SRGAP3: variants seen among roughly 807,000 people sequenced by gnomAD.
The protein encoded by SRGAP3 is SLIT-ROBO Rho GTPase-activating protein 3.
Under a neutral mutation model 121.1 loss-of-function variants are expected in SRGAP3, and 39 were observed. The ratio of observed to expected loss-of-function variants is 0.32; its 90% CI spans 0.25 to 0.42. The LOEUF is 0.42. SRGAP3 is among the 10% of genes least tolerant of loss of function. The pLI, the probability that SRGAP3 is intolerant of heterozygous loss-of-function variation, is 1.00. For missense variants in SRGAP3, 1,213 were observed against 1,470.6 expected, an observed-to-expected ratio of 0.82 and a Z score of 2.86; for synonymous variants, 601 against 570.0, an observed-to-expected ratio of 1.05 and a Z score of -0.77.
intron 2 of SRGAP3, among the ~76,000 whole-genome samples, chr3:9,329,906 C>T (rs1955578354): frequency 6.6e-6 from 1 of 152,158 alleles, no homozygotes; most frequent in Non-Finnish European, 1.5e-5. Flanking sequence ...TCCCACAGTG[C>T]CAAACCCGTT....
chr3:9,060,161 C>T, intron 6 of SRGAP3, 70 bp downstream of exon 6: 3 of 1,610,918 alleles, frequency 1.9e-6, no homozygotes, highest in African/African-American at 1.3e-5. Context: ...ACCAGCCCCT[C>T]CTTCAGCCAG....
intron 2 of SRGAP3, among the ~76,000 whole-genome samples, chr3:9,119,429 C>T (rs1055113332): frequency 6.6e-6 from 1 of 152,204 alleles, no homozygotes; most frequent in Admixed American, 6.5e-5. Context: ...CCCACACTCA[C>T]CAGTTCCAGC....
chr3:9,279,155 A>G (rs1160906782), intron 3 of SRGAP3, among the ~76,000 whole-genome samples: 3 of 152,158 alleles, frequency 2.0e-5, no homozygotes. Context: ...AACCACAGAG[A>G]AAAAAACTTC....
Position 9,270,212 on chromosome 3 carries a change from T to C in SRGAP3, n.442+55798A>G, listed in dbSNP as rs149989270. 1.4e-4 allele frequency among the ~76,000 whole-genome samples: 22 copies of C among 152,366 alleles called. No individual in the cohort carries two copies. The East Asian group carries it at 4.0e-3, about 28-fold the overall frequency. On this transcript the variant is annotated intron_variant and non_coding_transcript_variant, in intron 3 of 3. Coordinates refer to the SRGAP3 transcript ENST00000490889. ...TTGAAGGCTGCATAATATTAATCTG[T>C]ATTGTGTAATATTGATAATAAAAGT...
chr3:9,068,798 A>G (rs1049460870), intron 4 of SRGAP3, among the ~76,000 whole-genome samples: 2 of 152,200 alleles, frequency 1.3e-5, no homozygotes, highest in African/African-American at 4.8e-5. Flanking sequence ...ACCTCCTTCC[A>G]GGAGCCCTTC....
In SRGAP3 at chr3:8,985,174, A is replaced by G; in HGVS notation, c.*345T>C. 4.8e-6 allele frequency: 2 copies of G among 418,794 alleles called. No individual in the cohort carries two copies. The highest frequency in any genetic ancestry group is 8.8e-6 in the Non-Finnish European group (2 of 227,516). The allele number at this position is 418,794 out of a possible 1,614,324, so 25.9% of individuals were successfully genotyped here. A position where few individuals can be genotyped will look rare whatever the true frequency, so the allele number is the denominator to read the frequency against. The stretch of plus-strand genomic sequence containing the variant: ...TATGCACACATCGATATACACACAC[A>G]TATACGTATGTAGAGAGAATGTCGA... On this transcript the variant is annotated 3_prime_UTR_variant, in exon 22 of 22. Transcript: ENST00000383836. The surrounding 1 kb of genome is among the most constrained non-coding windows in gnomAD (Gnocchi z 5.1).
At position 9,013,944 on chromosome 3, in the gene SRGAP3, G is replaced by C; in HGVS notation, c.1814-102C>G. On this transcript the variant is annotated intron_variant, in intron 15 of 21. Transcript: ENST00000383836. ...CCTATATCAACCCACGTGGATGGGG[G>C]AGCCAGCTCTACTCTTGATTCCAGG... is the stretch of plus-strand genomic sequence containing the variant. 2.9e-6 allele frequency: 3 copies of C among 1,032,690 alleles called. No homozygotes were observed. In the South Asian group the frequency reaches 4.0e-5, roughly 14 times the overall value. The allele number at this position is 1,032,690 out of a possible 1,614,324, so 64.0% of individuals were successfully genotyped here.
intron 3 of SRGAP3, among the ~76,000 whole-genome samples, chr3:9,085,972 A>G (rs1447921104): frequency 6.6e-6 from 1 of 152,218 alleles, no homozygotes; most frequent in Non-Finnish European, 1.5e-5. Flanking sequence ...AACTGAAAAT[A>G]AAAATTTTAA....
chr3:9,260,598 G>A (rs1236724697), intron 3 of SRGAP3, among the ~76,000 whole-genome samples: 1 of 152,256 alleles, frequency 6.6e-6, no homozygotes, highest in African/African-American at 2.4e-5. Flanking sequence ...TGCCTCTCTA[G>A]ATTCCTCCTC....
rs552651633 is a variant in SRGAP3 at position 9,273,711 on chromosome 3, C to T, written n.442+52299G>A. Among the ~76,000 whole-genome samples the T allele has an allele frequency of 2.6e-5, 4 of 152,034 alleles. No homozygotes were observed. The South Asian group carries it at 6.2e-4, about 24-fold the overall frequency. On this transcript the variant is annotated intron_variant and non_coding_transcript_variant, in intron 3 of 3. Coordinates refer to the SRGAP3 transcript ENST00000490889. ...CCCTACTTTTCTCTAAGAGCTTTAT[C>T]GTTTTAGGTCTTACATTGAAGTCTT... is the stretch of plus-strand genomic sequence containing the variant.
intron 1 of SRGAP3, among the ~76,000 whole-genome samples, chr3:9,339,302 A>G (rs1453201482): frequency 3.3e-5 from 5 of 152,366 alleles, no homozygotes; most frequent in African/African-American, 1.2e-4. Flanking sequence ...CCAAGTCTTG[A>G]GCACTCTCAC....
Position 8,994,532 on chromosome 3 carries a change from A to G in SRGAP3, c.2228-9T>C. ...CTCGATCTGCTCCACTTCTGGAAGG[A>G]AATCAAGGGAAAAAGCGTCTCTGAG... is the stretch of plus-strand genomic sequence containing the variant. On this transcript the variant is annotated splice_polypyrimidine_tract_variant and intron_variant, in intron 18 of 21. Transcript: ENST00000383836. The G allele has an allele frequency of 6.2e-7, 1 of 1,612,606 alleles. No homozygotes were observed.
At chr3:9,211,206 G>C (rs1952435224) in intron 1 of SRGAP3, among the ~76,000 whole-genome samples, 1 of 152,136 alleles carries the variant, frequency 6.6e-6, no homozygotes, top group South Asian at 2.1e-4. Context: ...AAAATAAACA[G>C]GTAAATAAAG....
chr3:9,073,507 G>A (rs932089864), intron 4 of SRGAP3, among the ~76,000 whole-genome samples: 2 of 152,108 alleles, frequency 1.3e-5, no homozygotes, highest in African/African-American at 4.8e-5. Flanking sequence ...GTGTAGGGGA[G>A]CGCTTAAGCA....
chr3:8,987,774 CT>C (rs796773311), intron 21 of SRGAP3, among the ~76,000 whole-genome samples: 1 of 149,698 alleles, frequency 6.7e-6, no homozygotes, highest in East Asian at 2.0e-4. Flanking sequence ...AAAGGAGGCG[CT>C]GTGGGGGCAA....
Position 9,047,395 on chromosome 3 carries a change from G to C in SRGAP3, c.1404C>G (p.Gly468=). 2.5e-6 allele frequency: 4 copies of C among 1,614,110 alleles called. No individual in the cohort carries two copies. The highest frequency in any genetic ancestry group is 3.4e-6 in the Non-Finnish European group (4 of 1,180,014). Residue 468 remains glycine (G), a synonymous_variant, in exon 10 of 22, where the codon GGC becomes GGG. Coordinates refer to ENST00000383836, the MANE Select transcript of SRGAP3 (RefSeq NM_014850.4). ...GGCCTCCACCAGCCCACTCACCTTC[G>C]CCCAGGGTCTGCTTGAGTAAATCGT... The part of the protein sequence containing the change: ...AKHDLLKQTL[G]EGERAECGTT...
At chr3:9,007,847 C>A (rs1228233928) in intron 18 of SRGAP3, 1 of 152,186 alleles carries the variant, frequency 6.6e-6, no homozygotes, top group African/African-American at 2.4e-5. Flanking sequence ...CACAGTGACC[C>A]CTTGACTGTC....
At chr3:9,016,468 C>A (rs763356399) in intron 14 of SRGAP3, among the ~76,000 whole-genome samples, 4 of 152,218 alleles carry the variant, frequency 2.6e-5, no homozygotes, top group Non-Finnish European at 5.9e-5. Flanking sequence ...AAGAACACTA[C>A]ATGGGTGATG....
intron 1 of SRGAP3, among the ~76,000 whole-genome samples, chr3:9,192,195 C>T (rs1425181206): frequency 1.3e-5 from 2 of 152,206 alleles, no homozygotes; most frequent in Non-Finnish European, 2.9e-5. Flanking sequence ...AGAACTGGCC[C>T]TTGACCAGCC....
Sources: gnomAD v4.1 joint callset for allele counts (sites outside exome capture counted in the v4.1 genomes callset) on GRCh38, gnomAD v4.1.1 for gene constraint, Gnocchi (gnomAD v3.1) non-coding constraint, MANE v1.5 for transcripts, NCBI Gene and HGNC (gene_info 2026-07-23, HGNC 2026-07-21) for gene names.